Variants in TTC7A observed in about 807,000 individuals in gnomAD.
TTC7A encodes the protein tetratricopeptide repeat domain 7A.
In TTC7A, 110 loss-of-function variants were observed where a neutral mutation model predicts 103.7. That is an observed-to-expected ratio of 1.06 (90% CI 0.91 to 1.24). The LOEUF is 1.24. TTC7A is among the 50% of genes most tolerant of loss of function. TTC7A has a pLI of 0.00. For missense variants in TTC7A, 1,340 were observed against 1,116.3 expected (o/e 1.20, Z -2.86); for synonymous variants, 521 against 467.9 (o/e 1.11, Z -1.47).
intron 14 of TTC7A, among the ~76,000 whole-genome samples, chr2:47,025,007 C>G (rs1031234099): frequency 2.6e-5 from 4 of 152,198 alleles, no homozygotes; most frequent in Admixed American, 2.6e-4. Context: ...GGCATGCACA[C>G]ATCCTCCAAA....
intron 15 of TTC7A, among the ~76,000 whole-genome samples, chr2:47,041,265 A>G (rs1177952055): frequency 6.6e-6 from 1 of 152,220 alleles, no homozygotes; most frequent in East Asian, 1.9e-4. Flanking sequence ...GAATCAAGTA[A>G]CAGGCTCCAG....
intron 8 of TTC7A, among the ~76,000 whole-genome samples, chr2:47,005,389 T>C (rs568540048): frequency 2.2e-4 from 33 of 152,220 alleles, no homozygotes; most frequent in Admixed American, 7.2e-4. Context: ...GCCAAAACTC[T>C]TGCTGTAATT....
chr2:46,930,506 T>C (rs1241573273), intron 2 of TTC7A, among the ~76,000 whole-genome samples: 1 of 149,972 alleles, frequency 6.7e-6, no homozygotes, highest in African/African-American at 2.5e-5. Context: ...AATTTTTTTT[T>C]TTTTTTTTTT....
At chr2:47,065,549 G>T (rs935544857) in intron 19 of TTC7A, among the ~76,000 whole-genome samples, 8 of 152,186 alleles carry the variant, frequency 5.3e-5, no homozygotes, top group Non-Finnish European at 1.0e-4. Flanking sequence ...GTCCTTCCTG[G>T]TTGAGAGGGG....
intron 3 of TTC7A, among the ~76,000 whole-genome samples, chr2:46,966,355 T>G (rs1456331962): frequency 6.6e-6 from 1 of 152,246 alleles, no homozygotes. Flanking sequence ...GAAACAGACT[T>G]AGCACTCTGT....
exon 1 of TTC7A, chr2:46,916,549 C>T (rs527652940): frequency 4.6e-5 from 7 of 153,190 alleles, no homozygotes; most frequent in African/African-American, 1.7e-4. Context: ...TGCCCTTACA[C>T]CTGTGCTCCT....
exon 2 of TTC7A, chr2:46,917,207 C>T (rs1382797047): frequency 1.4e-6 from 1 of 701,874 alleles, no homozygotes; most frequent in Non-Finnish European, 2.6e-6. Flanking sequence ...TGGTGCCCAG[C>T]TCGTCTCGAA....
At chr2:46,919,188 A>G (rs376693443) in intron 2 of TTC7A, among the ~76,000 whole-genome samples, 137 of 152,362 alleles carry the variant, frequency 9.0e-4, no homozygotes, top group African/African-American at 3.1e-3. Context: ...TGTAAACTAC[A>G]TATTACTTAT....
chr2:46,974,206 C>T (rs1228943917), intron 3 of TTC7A, among the ~76,000 whole-genome samples: 2 of 152,228 alleles, frequency 1.3e-5, no homozygotes, highest in Non-Finnish European at 1.5e-5. Context: ...AAGGTACAGG[C>T]TCCTGCCTTT....
chr2:47,042,679 T>C (rs1681882918), intron 15 of TTC7A, among the ~76,000 whole-genome samples: 1 of 144,516 alleles, frequency 6.9e-6, no homozygotes, highest in South Asian at 2.2e-4. Context: ...GCCCCAAGTG[T>C]GTGTGTGTGT....
intron 15 of TTC7A, among the ~76,000 whole-genome samples, chr2:47,036,495 A>G (rs1000657090): frequency 1.8e-4 from 27 of 152,276 alleles, no homozygotes; most frequent in African/African-American, 4.8e-4. Flanking sequence ...TGTGTTAGGG[A>G]TTAGTCTCTG....
intron 18 of TTC7A, among the ~76,000 whole-genome samples, chr2:47,055,673 C>T (rs1683254576): frequency 6.6e-6 from 1 of 152,164 alleles, no homozygotes; most frequent in African/African-American, 2.4e-5. Flanking sequence ...GGTCCAAGGG[C>T]TCATGGGTAG....
At chr2:46,942,183 T>TG (rs1247993050) in intron 1 of TTC7A, among the ~76,000 whole-genome samples, 6 of 151,872 alleles carry the variant, frequency 4.0e-5, no homozygotes, top group Admixed American at 3.9e-4. Context: ...AGCTCCAGGG[T>TG]GGGGTGGTGG....
At chr2:46,917,640 T>A (rs1273775865) in intron 2 of TTC7A, among the ~76,000 whole-genome samples, 1 of 152,224 alleles carries the variant, frequency 6.6e-6, no homozygotes, top group African/African-American at 2.4e-5. Flanking sequence ...GTTATGTCTC[T>A]CTTGAATCTA....
At position 47,074,032 on chromosome 2, in the gene TTC7A, C is replaced by T. The variant is rs1685012678; in HGVS notation, c.*109C>T. 2.0e-5 allele frequency: 16 copies of T among 805,576 alleles called. No individual in the cohort carries two copies. Among genetic ancestry groups the T allele is most frequent in the Non-Finnish European group, 2.9e-5 (15 of 512,484 alleles). The allele number at this position is 805,576 out of a possible 1,614,324, so 49.9% of individuals were successfully genotyped here. On this transcript the variant is annotated 3_prime_UTR_variant, in exon 20 of 20. Transcript: ENST00000319190. ...TCAGGTGCGGGGCCTCAGGGAAATA[C>T]ATCTTTAGTGAACGCCTCTGCAGCT...
intron 2 of TTC7A, among the ~76,000 whole-genome samples, chr2:46,934,591 T>G (rs1669871069): frequency 6.6e-6 from 1 of 151,942 alleles, no homozygotes; most frequent in Non-Finnish European, 1.5e-5. Flanking sequence ...TTTCAATAGA[T>G]AGACTCAAAC....
chr2:47,006,777 T>C, intron 10 of TTC7A, 53 bp downstream of exon 10: 1 of 1,417,020 alleles, frequency 7.1e-7, no homozygotes, highest in Non-Finnish European at 1.0e-6. Context: ...GGGGCTCTGC[T>C]GAGATGGACA....
intron 3 of TTC7A, among the ~76,000 whole-genome samples, chr2:46,961,569 T>A (rs1672369670): frequency 2.8e-5 from 1 of 35,784 alleles, no homozygotes; most frequent in Non-Finnish European, 5.9e-5. Flanking sequence ...AGAGCAAGAC[T>A]CCATCTCAAA....
At chr2:46,928,685 G>C (rs932994715) in intron 2 of TTC7A, among the ~76,000 whole-genome samples, 1 of 151,902 alleles carries the variant, frequency 6.6e-6, no homozygotes, top group Non-Finnish European at 1.5e-5. Flanking sequence ...TTGGAGGATG[G>C]CTTGAACACA....
Sources: gnomAD v4.1 joint callset for allele counts (sites outside exome capture counted in the v4.1 genomes callset) on GRCh38, gnomAD v4.1.1 for gene constraint, MANE v1.5 for transcripts, NCBI Gene and HGNC (gene_info 2026-07-23, HGNC 2026-07-21) for gene names.